The following USH2A variants were observed in gnomAD, a reference collection of about 807,000 sequenced individuals.
USH2A encodes Usher syndrome 2A (autosomal recessive, mild).
A neutral mutation model predicts 538.9 loss-of-function variants in USH2A; 443 were observed. That is an observed-to-expected ratio of 0.82 (90% CI 0.76 to 0.89). The LOEUF (loss-of-function observed/expected upper bound fraction) is 0.89, where lower values mean the gene tolerates loss of function less well. USH2A is among the 40% of genes least tolerant of loss of function. The pLI is 0.00. For synonymous variants in USH2A, 2,413 were observed against 2,273.5 expected, an observed-to-expected ratio of 1.06 and a Z score of -1.75; for missense variants, 6,633 against 6,324.8, an observed-to-expected ratio of 1.05 and a Z score of -1.65.
At chr1:215,972,373 G>A (rs1254926258) in intron 35 of USH2A, among the ~76,000 whole-genome samples, 1 of 152,110 alleles carries the variant, frequency 6.6e-6, no homozygotes, top group African/African-American at 2.4e-5. Flanking sequence ...TTTCAGCTCT[G>A]GTTGGGGCAG....
intron 4 of USH2A, among the ~76,000 whole-genome samples, chr1:216,337,310 A>G (rs1490332285): frequency 6.6e-6 from 1 of 151,324 alleles, no homozygotes; most frequent in Non-Finnish European, 1.5e-5. Context: ...TTTAAAGATG[A>G]GGAAACTGAA....
chr1:215,797,578 T>C (rs1558102731), intron 50 of USH2A, among the ~76,000 whole-genome samples: 1 of 152,110 alleles, frequency 6.6e-6, no homozygotes, highest in Admixed American at 6.6e-5. Context: ...TCTAGGGCCC[T>C]TAATAATTAT....
intron 19 of USH2A, among the ~76,000 whole-genome samples, chr1:216,192,169 G>A (rs1004879361): frequency 3.3e-5 from 5 of 151,870 alleles, no homozygotes; most frequent in Non-Finnish European, 5.9e-5. Context: ...CCACTTTTAC[G>A]TATCCCCCCT....
At position 215,856,602 on chromosome 1, in the gene USH2A, C is replaced by T. The variant is rs548485208; in HGVS notation, c.8845+10405G>A. Reference sequence around the variant, plus strand: ...AACACATTTTTACACTTGGTGGGAACGTAAACTAGTACAACCACTATGAAA... The same window carrying T: ...AACACATTTTTACACTTGGTGGGAATGTAAACTAGTACAACCACTATGAAA... On this transcript the variant is annotated intron_variant, in intron 44 of 71. Coordinates refer to ENST00000307340, the MANE Select transcript of USH2A (RefSeq NM_206933.4). Among the ~76,000 whole-genome samples, 31 of 152,156 alleles carry T rather than the reference C, an allele frequency of 2.0e-4. No homozygotes were observed. In the East Asian group the frequency reaches 2.9e-3, roughly 14 times the overall value.
intron 21 of USH2A, among the ~76,000 whole-genome samples, chr1:216,168,240 G>A (rs1054443081): frequency 6.6e-6 from 1 of 151,930 alleles, no homozygotes; most frequent in Non-Finnish European, 1.5e-5. Context: ...TAAAATTAAT[G>A]TGTTATATTG....
intron 15 of USH2A, among the ~76,000 whole-genome samples, chr1:216,208,843 C>A (rs1174173259): frequency 2.0e-5 from 3 of 152,160 alleles, no homozygotes; most frequent in Non-Finnish European, 2.9e-5. Context: ...ATTCCCCCAG[C>A]AATGCATTAT....
At chr1:216,333,872 C>T (rs921589035) in intron 4 of USH2A, among the ~76,000 whole-genome samples, 2 of 151,964 alleles carry the variant, frequency 1.3e-5, no homozygotes, top group Non-Finnish European at 2.9e-5. Context: ...AACTCTCCTT[C>T]AAAAATGCAG....
At chr1:215,657,762 A>G (rs971153442) in intron 64 of USH2A, among the ~76,000 whole-genome samples, 72 of 152,126 alleles carry the variant, frequency 4.7e-4, no homozygotes, top group African/African-American at 1.7e-3. Context: ...AGCTACTGGA[A>G]AAATAACAAG....
intron 60 of USH2A, among the ~76,000 whole-genome samples, chr1:215,732,359 C>CTG (rs1472198205): frequency 6.6e-6 from 1 of 152,060 alleles, no homozygotes; most frequent in Non-Finnish European, 1.5e-5. Context: ...TATCCTTAAT[C>CTG]TGCTGATTCT....
At chr1:216,056,986 T>C (rs2030998700) in intron 30 of USH2A, among the ~76,000 whole-genome samples, 1 of 152,218 alleles carries the variant, frequency 6.6e-6, no homozygotes. Flanking sequence ...GTATTGAATG[T>C]TTATAAGCAT....
intron 13 of USH2A, among the ~76,000 whole-genome samples, chr1:216,242,586 A>C (rs2035960471): frequency 6.6e-6 from 1 of 152,102 alleles, no homozygotes; most frequent in African/African-American, 2.4e-5. Context: ...ATAATATAAA[A>C]AGAAACAGGT....
At chr1:215,947,219 T>G (rs1666781910) in intron 37 of USH2A, among the ~76,000 whole-genome samples, 1 of 152,036 alleles carries the variant, frequency 6.6e-6, no homozygotes, top group Non-Finnish European at 1.5e-5. Context: ...AATTTTTGTA[T>G]TTTTAGTAGA....
intron 64 of USH2A, among the ~76,000 whole-genome samples, chr1:215,655,925 G>A (rs1464418303): frequency 6.6e-6 from 1 of 151,774 alleles, no homozygotes; most frequent in Non-Finnish European, 1.5e-5. Flanking sequence ...TAGTAGAGAT[G>A]GGGTTTCACC....
rs1001490166 is a variant in USH2A at position 215,741,016 on chromosome 1, G to A, written c.11711+359C>T. On this transcript the variant is annotated intron_variant, in intron 60 of 71. Transcript: ENST00000307340. Reference sequence around the variant, plus strand: ...TGTGTGGCCCGGTTCCTAACAGGCCGCGGACTCTGTGGCCTGGGGGTTAGG... The same window carrying A: ...TGTGTGGCCCGGTTCCTAACAGGCCACGGACTCTGTGGCCTGGGGGTTAGG... Among the ~76,000 whole-genome samples the A allele has an allele frequency of 8.5e-5, 13 of 152,226 alleles. No individual in the cohort carries two copies. The East Asian group carries it at 1.6e-3, about 18-fold the overall frequency.
At chr1:215,659,956 C>A (rs956830414) in intron 64 of USH2A, among the ~76,000 whole-genome samples, 22 of 152,248 alleles carry the variant, frequency 1.4e-4, no homozygotes, top group Admixed American at 1.1e-3. Flanking sequence ...AACATCTATC[C>A]CACAGGACTA....
chr1:216,086,755 G>C lies in USH2A; in HGVS notation c.4951C>G (p.Leu1651Val), dbSNP rs780189898. 1.2e-6 allele frequency: 2 copies of C among 1,612,952 alleles called. No individual in the cohort carries two copies. Among genetic ancestry groups the C allele is most frequent in the Middle Eastern group, 1.7e-4 (1 of 6,048 alleles). The change falls in exon 24 of 72, where the codon CTC becomes GTC. Residue 1651 changes from leucine (L) to valine (V), a missense_variant. Coordinates refer to ENST00000307340, the MANE Select transcript of USH2A (RefSeq NM_206933.4). Reference protein sequence around the residue: ...GDNTGVFLGGLPRSYTILRKD... With the variant: ...GDNTGVFLGGVPRSYTILRKD... The stretch of plus-strand genomic sequence containing the variant: ...CTGAGGATGGTATAACTTCGCGGGA[G>C]CCCTCCCAGAAAGACTCCTGTGTTA...
chr1:216,119,972 G>A (rs536401237), intron 21 of USH2A, among the ~76,000 whole-genome samples: 86 of 151,956 alleles, frequency 5.7e-4, no homozygotes, highest in African/African-American at 2.1e-3. Context: ...CAGGTACTTC[G>A]TGGATATTCA....
intron 29 of USH2A, among the ~76,000 whole-genome samples, chr1:216,072,041 A>G (rs2031574289): frequency 6.6e-6 from 1 of 152,122 alleles, no homozygotes; most frequent in South Asian, 2.1e-4. Context: ...TGGGATAGTA[A>G]CCTACTGTTG....
chr1:216,095,158 T>C (rs922522788), intron 22 of USH2A, among the ~76,000 whole-genome samples: 1 of 152,106 alleles, frequency 6.6e-6, no homozygotes, highest in South Asian at 2.1e-4. Context: ...TTCTCTCCTA[T>C]TTTTTGTTTC....
Sources: allele counts gnomAD v4.1 joint callset (sites outside exome capture counted in the v4.1 genomes callset), GRCh38; gene constraint gnomAD v4.1.1; transcripts MANE v1.5; gene names NCBI Gene and HGNC (gene_info 2026-07-23, HGNC 2026-07-21).